LRFN2: variants seen among roughly 807,000 people sequenced by gnomAD.
The protein encoded by LRFN2 is leucine-rich repeat and fibronectin type-III domain-containing protein 2.
Under a neutral mutation model 37.3 loss-of-function variants are expected in LRFN2, and 18 were observed. That is an observed-to-expected ratio of 0.48 (90% CI 0.33 to 0.72). The LOEUF is 0.72. LRFN2 is among the 30% of genes least tolerant of loss of function. LRFN2 has a pLI of 0.02. For missense variants in LRFN2, 1,006 were observed against 1,060.7 expected, an observed-to-expected ratio of 0.95 and a Z score of 0.72; for synonymous variants, 556 against 466.6, an observed-to-expected ratio of 1.19 and a Z score of -2.47.
At chr6:40,436,550 C>T (rs535104452) in intron 1 of LRFN2, among the ~76,000 whole-genome samples, 6 of 152,058 alleles carry the variant, frequency 3.9e-5, no homozygotes, top group Non-Finnish European at 8.8e-5. Context: ...GCCAAAGTGC[C>T]GAGTTCCACA....
chr6:40,448,007 G>C (rs911852133), intron 1 of LRFN2, among the ~76,000 whole-genome samples: 4 of 152,226 alleles, frequency 2.6e-5, no homozygotes, highest in Admixed American at 2.6e-4. Context: ...TGGGGAGCAT[G>C]CCCTGGAGTT....
At chr6:40,523,427 G>A (rs536008038) in intron 1 of LRFN2, among the ~76,000 whole-genome samples, 1 of 151,628 alleles carries the variant, frequency 6.6e-6, no homozygotes, top group South Asian at 2.1e-4. Flanking sequence ...AGTGGTGAAG[G>A]ATAATTTAAT....
chr6:40,496,327 C>A lies in LRFN2; in HGVS notation c.-18-63196G>T, dbSNP rs976796537. Among the ~76,000 whole-genome samples, 5 of 152,190 alleles carry A rather than the reference C, an allele frequency of 3.3e-5. No homozygotes were observed. In the East Asian group the frequency reaches 7.7e-4, roughly 24 times the overall value. On this transcript the variant is annotated intron_variant, in intron 1 of 2. Coordinates refer to ENST00000338305, the MANE Select transcript of LRFN2 (RefSeq NM_020737.3). ...CCACAGAGCAGCAAGAGGGACCCAT[C>A]TAAACCGGAATCAGGTCAGGTCAGC... is the stretch of plus-strand genomic sequence containing the variant.
chr6:40,578,526 G>A (rs184623870), intron 1 of LRFN2, among the ~76,000 whole-genome samples: 1 of 152,274 alleles, frequency 6.6e-6, no homozygotes, highest in East Asian at 1.9e-4. Context: ...TGTTGCAAGG[G>A]ACAAATGAGA....
intron 1 of LRFN2, among the ~76,000 whole-genome samples, chr6:40,516,143 T>C (rs1765865485): frequency 6.6e-6 from 1 of 151,982 alleles, no homozygotes; most frequent in Non-Finnish European, 1.5e-5. Flanking sequence ...AGACTCAAAC[T>C]CTGGTCTCAG....
At chr6:40,396,820 C>T (rs1359399503) in intron 2 of LRFN2, among the ~76,000 whole-genome samples, 1 of 152,012 alleles carries the variant, frequency 6.6e-6, no homozygotes, top group African/African-American at 2.4e-5. Context: ...TAACTCAAAA[C>T]AGCCCTGGCT....
At chr6:40,396,356 T>A (rs2113793021) in intron 2 of LRFN2, among the ~76,000 whole-genome samples, 1 of 152,258 alleles carries the variant, frequency 6.6e-6, no homozygotes, top group South Asian at 2.1e-4. Flanking sequence ...TCATGCTGCC[T>A]CTCGGACACT....
At chr6:40,456,929 A>T (rs988356520) in intron 1 of LRFN2, among the ~76,000 whole-genome samples, 1 of 152,116 alleles carries the variant, frequency 6.6e-6, no homozygotes, top group African/African-American at 2.4e-5. Context: ...GAATCACCAC[A>T]CATGCTTTTC....
chr6:40,483,901 C>A (rs958996674), intron 1 of LRFN2, among the ~76,000 whole-genome samples: 1 of 152,214 alleles, frequency 6.6e-6, no homozygotes, highest in African/African-American at 2.4e-5. Context: ...CAGTCTCCTG[C>A]CCACCACATC....
chr6:40,475,964 T>C (rs961688751), intron 1 of LRFN2, among the ~76,000 whole-genome samples: 1 of 152,222 alleles, frequency 6.6e-6, no homozygotes, highest in African/African-American at 2.4e-5. Flanking sequence ...GACTTTCCTT[T>C]AGTTTCTTTC....
rs1762520956 is a variant in LRFN2, at chr6:40,392,234, C to T, written c.2079G>A (p.Ser693=). The change falls in exon 3 of 3, where the codon TCG becomes TCA. Residue 693 remains serine, a synonymous_variant. Coordinates refer to ENST00000338305, the MANE Select transcript of LRFN2 (RefSeq NM_020737.3). This position sits in a 1 kb window ranked among gnomAD's most constrained non-coding sequence, Gnocchi z 4.7. Reference sequence around the variant, plus strand: ...GGGGCCCCAGCAGTGGCTCTCGGTCCGAGTGGTGGCCCCGGGCCGACGTCC... The same window carrying T: ...GGGGCCCCAGCAGTGGCTCTCGGTCTGAGTGGTGGCCCCGGGCCGACGTCC... ...GAGTSARGHH[S]DREPLLGPPA... 3.8e-6 allele frequency: 6 copies of T among 1,571,544 alleles called. No homozygotes were observed. The highest frequency in any genetic ancestry group is 1.2e-5 in the South Asian group (1 of 83,418).
intron 2 of LRFN2, among the ~76,000 whole-genome samples, chr6:40,416,768 G>T (rs1042421079): frequency 6.6e-5 from 10 of 152,054 alleles, no homozygotes; most frequent in African/African-American, 2.4e-4. Flanking sequence ...GCCCTCCCTC[G>T]GGTCAGCATC....
chr6:40,428,679 C>A (rs1182120892), intron 2 of LRFN2, among the ~76,000 whole-genome samples: 1 of 152,128 alleles, frequency 6.6e-6, no homozygotes, highest in Non-Finnish European at 1.5e-5. Context: ...TTTTTTAATT[C>A]TCTTGGTCTT....
chr6:40,434,605 T>C (rs543512016), intron 1 of LRFN2, among the ~76,000 whole-genome samples: 1 of 151,660 alleles, frequency 6.6e-6, no homozygotes, highest in South Asian at 2.1e-4. Context: ...GCCTCCCAAA[T>C]AGCTGGGACT....
At chr6:40,567,327 C>A (rs1181400657) in intron 1 of LRFN2, among the ~76,000 whole-genome samples, 1 of 152,164 alleles carries the variant, frequency 6.6e-6, no homozygotes, top group Non-Finnish European at 1.5e-5. Flanking sequence ...GGAGAAAAAT[C>A]AAAATGGCGG....
intron 2 of LRFN2, among the ~76,000 whole-genome samples, chr6:40,418,987 G>A (rs1356153329): frequency 6.6e-6 from 1 of 152,188 alleles, no homozygotes; most frequent in East Asian, 1.9e-4. Context: ...CGGAGAGAAT[G>A]TATTAGAAGT....
At chr6:40,494,752 T>C (rs1027768836) in intron 1 of LRFN2, among the ~76,000 whole-genome samples, 5 of 152,210 alleles carry the variant, frequency 3.3e-5, no homozygotes, top group African/African-American at 1.2e-4. Context: ...AGCAGCCCCA[T>C]GATTGTCATC....
chr6:40,553,532 AG>A (rs1181273853), intron 1 of LRFN2, among the ~76,000 whole-genome samples: 1 of 152,162 alleles, frequency 6.6e-6, no homozygotes, highest in African/African-American at 2.4e-5. Context: ...ATTTGTAAAT[AG>A]GGGAGGTCTT....
At chr6:40,484,238 A>C (rs1204542121) in intron 1 of LRFN2, among the ~76,000 whole-genome samples, 1 of 152,170 alleles carries the variant, frequency 6.6e-6, no homozygotes, top group Non-Finnish European at 1.5e-5. Flanking sequence ...ACACGGATGG[A>C]GTGTGGTGCC....
Sources: gnomAD v4.1 joint callset for allele counts (sites outside exome capture counted in the v4.1 genomes callset) on GRCh38, gnomAD v4.1.1 for gene constraint, Gnocchi (gnomAD v3.1) non-coding constraint, MANE v1.5 for transcripts, NCBI Gene and HGNC (gene_info 2026-07-23, HGNC 2026-07-21) for gene names.